COPB2: variants seen among roughly 807,000 people sequenced by gnomAD.
The protein encoded by COPB2 is coatomer subunit beta'.
In COPB2, 16 loss-of-function variants were observed where a neutral mutation model predicts 120.8. The ratio of observed to expected loss-of-function variants is 0.13; its 90% CI spans 0.09 to 0.20. COPB2 has a LOEUF of 0.20. COPB2 is among the 10% of genes least tolerant of loss of function. The pLI, the probability that COPB2 is intolerant of heterozygous loss-of-function variation, is 1.00. For missense variants in COPB2, 794 were observed against 1,076.5 expected, an observed-to-expected ratio of 0.74 and a Z score of 3.67; for synonymous variants, 332 against 366.3, an observed-to-expected ratio of 0.91 and a Z score of 1.07.
At chr3:139,389,337 T>C in intron 1 of COPB2, 1 of 679,176 alleles carries the variant, frequency 1.5e-6, no homozygotes, top group Non-Finnish European at 2.1e-6. Context: ...AACCCCTCAC[T>C]AGCAGGCTTT....
In COPB2 at chr3:139,367,573, C is replaced by T. The variant is rs547361279; in HGVS notation, c.1546-428G>A. 5.9e-5 allele frequency among the ~76,000 whole-genome samples: 9 copies of T among 152,204 alleles called. No homozygotes were observed. In the South Asian group the frequency reaches 1.9e-3, roughly 32 times the overall value. On this transcript the variant is annotated intron_variant, in intron 13 of 21. Transcript: ENST00000333188. ...AAAGTGCTGGGATTATAGGTGTGAG[C>T]CACTGCACCCCGCTGGAATTTCTTT...
intron 1 of COPB2, among the ~76,000 whole-genome samples, chr3:139,384,636 C>A (rs1040613498): frequency 6.6e-6 from 1 of 152,234 alleles, no homozygotes; most frequent in African/African-American, 2.4e-5. Flanking sequence ...AGTAGAACTG[C>A]TTTATGCATA....
intron 15 of COPB2, 58 bp from the exon 16 acceptor site, chr3:139,362,575 TA>T: frequency 5.1e-5 from 7 of 138,232 alleles, no homozygotes; most frequent in South Asian, 2.8e-4. Flanking sequence ...ATGTATGTTT[TA>T]TATATATATA....
intron 1 of COPB2, chr3:139,388,386 A>G (rs1176308993): frequency 7.0e-6 from 1 of 143,230 alleles, no homozygotes; most frequent in Non-Finnish European, 1.5e-5. Context: ...TTAAAAAAAA[A>G]AAGAAGGTCC....
At chr3:139,378,464 G>C (rs1941755151) in intron 4 of COPB2, among the ~76,000 whole-genome samples, 1 of 152,172 alleles carries the variant, frequency 6.6e-6, no homozygotes, top group Non-Finnish European at 1.5e-5. Flanking sequence ...GGGCATTAAA[G>C]AATGGCCAAA....
chr3:139,387,596 C>T (rs1941947857), intron 1 of COPB2, among the ~76,000 whole-genome samples: 1 of 152,174 alleles, frequency 6.6e-6, no homozygotes, highest in South Asian at 2.1e-4. Flanking sequence ...TTCTTGCTTT[C>T]TAGAGTAGAT....
chr3:139,358,076 T>C (rs1396903353), intron 21 of COPB2, 118 bp from the exon 22 acceptor site: 43 of 1,041,216 alleles, frequency 4.1e-5, no homozygotes, highest in Non-Finnish European at 5.6e-5. Context: ...AAGAGCATCT[T>C]CCCATTTCAA....
intron 15 of COPB2, among the ~76,000 whole-genome samples, chr3:139,363,288 T>C (rs1941457899): frequency 6.6e-6 from 1 of 152,028 alleles, no homozygotes. Flanking sequence ...GGGTGAGCAG[T>C]GGGTGGGTGG....
At chr3:139,371,653 G>T (rs780201264) in intron 10 of COPB2, 70 bp downstream of exon 10, 2 of 1,301,042 alleles carry the variant, frequency 1.5e-6, no homozygotes, top group Non-Finnish European at 1.1e-6. Context: ...ATCAAGCCTT[G>T]AGAGTCTTCA....
At chr3:139,377,072 T>TA (rs397707446) in intron 5 of COPB2, among the ~76,000 whole-genome samples, 4 of 63,924 alleles carry the variant, frequency 6.3e-5, no homozygotes, top group Non-Finnish European at 2.7e-4. Flanking sequence ...AATATTATGA[T>TA]AAAAAAAAGA....
At chr3:139,389,326 A>G (rs2107814227) in intron 1 of COPB2, 1 of 604,912 alleles carries the variant, frequency 1.7e-6, no homozygotes, top group Non-Finnish European at 2.4e-6. Flanking sequence ...AGGGGAGACA[A>G]AACCCCTCAC....
intron 4 of COPB2, 139 bp from the exon 5 acceptor site, chr3:139,378,328 G>T: frequency 1.3e-6 from 1 of 754,996 alleles, no homozygotes; most frequent in African/African-American, 1.8e-5. Context: ...ACCAAATAGA[G>T]TTTTCAAAAT....
In COPB2 at chr3:139,379,072, G is replaced by C; in HGVS notation, c.330C>G (p.Thr110=). 3 of 1,607,388 alleles carry C rather than the reference G, an allele frequency of 1.9e-6. No homozygotes were observed. The African/African-American group carries it at 4.0e-5, about 22-fold the overall frequency. ...CACTGCTAGTTAGAATGAAAGGCTGGGTTGGATGAACAGCAATACAGCGAA... is the reference window on the plus strand; with the variant it reads ...CACTGCTAGTTAGAATGAAAGGCTGCGTTGGATGAACAGCAATACAGCGAA... ...DYIRCIAVHP[T]QPFILTSSDD... Residue 110 remains threonine (T), a synonymous_variant, in exon 4 of 22, where the codon ACC becomes ACG. Transcript: ENST00000333188.
chr3:139,357,497 G>C lies in COPB2; in HGVS notation c.*366C>G, dbSNP rs1941310977. Reference sequence around the variant, plus strand: ...GATTTAGTTATACAAAGAAAAGACAGTGGGGCTGATCCCTAGGCAAGGTGT... The same window carrying C: ...GATTTAGTTATACAAAGAAAAGACACTGGGGCTGATCCCTAGGCAAGGTGT... On this transcript the variant is annotated 3_prime_UTR_variant, in exon 22 of 22. Transcript: ENST00000333188. 1 of 198,598 alleles carries C rather than the reference G, an allele frequency of 5.0e-6. No individual in the cohort carries two copies. The allele number at this position is 198,598 out of a possible 1,614,324, so 12.3% of individuals were successfully genotyped here.
intron 4 of COPB2, 84 bp downstream of exon 4, chr3:139,378,963 C>T: frequency 3.7e-6 from 5 of 1,356,078 alleles, no homozygotes; most frequent in Non-Finnish European, 5.0e-6. Flanking sequence ...ATATTTGTAA[C>T]AGCAGTTAAA....
In COPB2 at chr3:139,371,648, G is replaced by A. The variant is rs944130187; in HGVS notation, c.1205+75C>T. The A allele has an allele frequency of 2.4e-6, 3 of 1,243,980 alleles. No individual in the cohort carries two copies. In the African/African-American group the frequency reaches 4.4e-5, roughly 18 times the overall value. The allele number at this position is 1,243,980 out of a possible 1,614,324, so 77.1% of individuals were successfully genotyped here. ...CACGGAGAATCACAGCCCACATCAA[G>A]CCTTGAGAGTCTTCAAGCAGCACAC... On this transcript the variant is annotated intron_variant, in intron 10 of 21. Coordinates refer to ENST00000333188, the MANE Select transcript of COPB2 (RefSeq NM_004766.3).
At chr3:139,386,177 A>G (rs1042770692) in intron 1 of COPB2, among the ~76,000 whole-genome samples, 1 of 152,118 alleles carries the variant, frequency 6.6e-6, no homozygotes, top group African/African-American at 2.4e-5. Context: ...TTAAAAGATC[A>G]GAGTTCTCTG....
chr3:139,358,664 G>A lies in COPB2; in HGVS notation c.2553+80C>T, dbSNP rs1030119149. 6.0e-6 allele frequency: 6 copies of A among 997,196 alleles called. No individual in the cohort carries two copies. The Admixed American group carries it at 1.1e-4, about 18-fold the overall frequency. 61.8% of individuals were successfully genotyped at this position (997,196 alleles called of 1,614,324 possible). On this transcript the variant is annotated intron_variant, in intron 20 of 21. Coordinates refer to ENST00000333188, the MANE Select transcript of COPB2 (RefSeq NM_004766.3). Reference sequence around the variant, plus strand: ...CCACTGCACTCCAGCCAGGGCAATGGAGCGAAACTCTGTCTCAAAAGAAAA... The same window carrying A: ...CCACTGCACTCCAGCCAGGGCAATGAAGCGAAACTCTGTCTCAAAAGAAAA...
In COPB2 at chr3:139,371,715, A is replaced by C; in HGVS notation, c.1205+8T>G. On this transcript the variant is annotated splice_region_variant and intron_variant, in intron 10 of 21. Coordinates refer to ENST00000333188, the MANE Select transcript of COPB2 (RefSeq NM_004766.3). ...GGGCATGCTGGCTATCATACAATCA[A>C]AACTTACTCTGAAGAATCGTGGGCC... The C allele has an allele frequency of 6.2e-7, 1 of 1,612,500 alleles. No homozygotes were observed. The highest frequency in any genetic ancestry group is 8.5e-7 in the Non-Finnish European group (1 of 1,178,628).
Sources: allele counts gnomAD v4.1 joint callset (sites outside exome capture counted in the v4.1 genomes callset), GRCh38; gene constraint gnomAD v4.1.1; transcripts MANE v1.5; gene names NCBI Gene and HGNC (gene_info 2026-07-23, HGNC 2026-07-21).